Variants in RANBP2 observed in about 807,000 individuals in gnomAD.
The protein encoded by RANBP2 is E3 SUMO-protein ligase RanBP2.
RANBP2 carries 57 observed loss-of-function variants against 303.6 expected under a neutral mutation model. That is an observed-to-expected ratio of 0.19 (90% CI 0.15 to 0.23). The LOEUF (loss-of-function observed/expected upper bound fraction) is 0.23, where lower values mean the gene tolerates loss of function less well. Ranked by LOEUF, RANBP2 falls within the 10% of genes least tolerant of loss-of-function variation. The probability of loss-of-function intolerance (pLI) is 1.00; values close to 1 mark genes in which losing one functional copy is unlikely to be tolerated. For synonymous variants in RANBP2, 1,167 were observed against 1,301.5 expected, an observed-to-expected ratio of 0.90 and a Z score of 2.23; for missense variants, 3,138 against 3,780.8, an observed-to-expected ratio of 0.83 and a Z score of 4.46.
At chr2:109,383,370 C>G in the RANBP2 span, among the ~76,000 whole-genome samples, 1 of 152,202 alleles carries the variant, frequency 6.6e-6, no homozygotes, top group East Asian at 1.9e-4. Context: ...GCAGGGAGAT[C>G]TATCCTACAG....
chr2:109,114,167 A>T, the RANBP2 span, among the ~76,000 whole-genome samples: 4 of 152,054 alleles, frequency 2.6e-5, no homozygotes, highest in South Asian at 4.1e-4. Flanking sequence ...GTTAGGGAGG[A>T]TTCCCTCTTT....
chr2:108,809,718 AT>A, the RANBP2 span, among the ~76,000 whole-genome samples: 1 of 152,172 alleles, frequency 6.6e-6, no homozygotes, highest in Non-Finnish European at 1.5e-5. Flanking sequence ...GTTCTGAGAA[AT>A]TTTTGGTGGA....
chr2:109,455,446 G>T, the RANBP2 span, among the ~76,000 whole-genome samples: 1 of 152,222 alleles, frequency 6.6e-6, no homozygotes, highest in Admixed American at 6.5e-5. Flanking sequence ...CAGCAGCAAG[G>T]CCTGGTCTGG....
chr2:108,852,714 A>T, the RANBP2 span, among the ~76,000 whole-genome samples: 4 of 152,268 alleles, frequency 2.6e-5, no homozygotes, highest in South Asian at 8.3e-4. Flanking sequence ...GAACACATGG[A>T]TACATAAGGG....
chr2:109,318,585 A>C, the RANBP2 span, among the ~76,000 whole-genome samples: 1 of 152,308 alleles, frequency 6.6e-6, no homozygotes, highest in Non-Finnish European at 1.5e-5. Context: ...ATGTGAGTAG[A>C]GCCAGCTCCT....
At chr2:108,997,016 G>A in the RANBP2 span, among the ~76,000 whole-genome samples, 1 of 152,230 alleles carries the variant, frequency 6.6e-6, no homozygotes, top group Non-Finnish European at 1.5e-5. Flanking sequence ...AGGGTGGGGA[G>A]TGCAGTGTTT....
At chr2:109,406,057 G>T in the RANBP2 span, among the ~76,000 whole-genome samples, 4 of 152,244 alleles carry the variant, frequency 2.6e-5, no homozygotes, top group African/African-American at 9.6e-5. Flanking sequence ...GGCTGAAGGT[G>T]TCCAGGGCGT....
chr2:108,866,004 A>ATTTTGTTCCTGTC, the RANBP2 span, among the ~76,000 whole-genome samples: 1 of 151,878 alleles, frequency 6.6e-6, no homozygotes, highest in Non-Finnish European at 1.5e-5. Flanking sequence ...GAGCTGGGGG[A>ATTTTGTTCCTGTC]TTTTGTTCCT....
the RANBP2 span, among the ~76,000 whole-genome samples, chr2:109,016,248 ATTTTTTT>A: frequency 7.6e-5 from 11 of 145,580 alleles, no homozygotes; most frequent in Middle Eastern, 7.2e-3. Context: ...CGCCCGGCTA[ATTTTTTT>A]TTTTTTGTAT....
chr2:109,441,628 G>T, the RANBP2 span, among the ~76,000 whole-genome samples: 11 of 152,182 alleles, frequency 7.2e-5, no homozygotes, highest in Non-Finnish European at 1.5e-4. Context: ...ACAGAAAAAT[G>T]ATTTGAAGAA....
chr2:109,584,474 C>CAA, the RANBP2 span, among the ~76,000 whole-genome samples: 10,506 of 69,702 alleles, frequency 0.15, 965 homozygotes, highest in African/African-American at 0.2. Context: ...GACTCTGTCT[C>CAA]AAAAAAAAAA....
the RANBP2 span, among the ~76,000 whole-genome samples, chr2:109,398,283 C>T: frequency 1.8e-4 from 27 of 152,290 alleles, no homozygotes; most frequent in African/African-American, 6.0e-4. Context: ...AAGGCGGCAC[C>T]GTGCATCCCA....
chr2:108,793,173 C>T, the RANBP2 span, among the ~76,000 whole-genome samples: 1 of 150,484 alleles, frequency 6.6e-6, no homozygotes, highest in East Asian at 2.0e-4. Flanking sequence ...CTGGCTAACA[C>T]GGTGAAACCC....
chr2:109,111,041 G>A, the RANBP2 span, among the ~76,000 whole-genome samples: 1 of 152,174 alleles, frequency 6.6e-6, no homozygotes, highest in African/African-American at 2.4e-5. Flanking sequence ...GGGGTTGGGT[G>A]TGTTACAGTT....
chr2:109,262,222 T>G, the RANBP2 span, among the ~76,000 whole-genome samples: 1 of 152,230 alleles, frequency 6.6e-6, no homozygotes, highest in East Asian at 1.9e-4. Context: ...AACATCATGA[T>G]TCTGCATTTA....
chr2:109,625,107 A>G, the RANBP2 span, among the ~76,000 whole-genome samples: 2 of 148,160 alleles, frequency 1.3e-5, no homozygotes, highest in African/African-American at 5.0e-5. Flanking sequence ...AAAAAAAAAA[A>G]GAAAAGAAAA....
At chr2:109,649,981 G>A in the RANBP2 span, among the ~76,000 whole-genome samples, 14 of 152,176 alleles carry the variant, frequency 9.2e-5, no homozygotes, top group African/African-American at 2.9e-4. Context: ...TAGACATAAC[G>A]AAATGATAAT....
chr2:108,741,980 C>T (rs576684845), intron 7 of RANBP2, among the ~76,000 whole-genome samples: 2 of 151,732 alleles, frequency 1.3e-5, no homozygotes, highest in African/African-American at 2.4e-5. Context: ...TTAGAGAAGG[C>T]GCCTCCTTCT....
the RANBP2 span, among the ~76,000 whole-genome samples, chr2:109,201,974 A>G: frequency 6.6e-6 from 1 of 152,222 alleles, no homozygotes; most frequent in African/African-American, 2.4e-5. Flanking sequence ...AATTAAAGTA[A>G]CCTGTAATAT....
Sources: gnomAD v4.1 joint callset for allele counts (sites outside exome capture counted in the v4.1 genomes callset) on GRCh38, gnomAD v4.1.1 for gene constraint, MANE v1.5 for transcripts, NCBI Gene and HGNC (gene_info 2026-07-23, HGNC 2026-07-21) for gene names.